TENM3: variants seen among roughly 807,000 people sequenced by gnomAD.
The protein encoded by TENM3 is teneurin-3.
In TENM3, 63 loss-of-function variants were observed where a neutral mutation model predicts 255.1. That is an observed-to-expected ratio of 0.25 (90% CI 0.20 to 0.30). TENM3 has a LOEUF of 0.30. Ranked by LOEUF, TENM3 falls within the 10% of genes least tolerant of loss-of-function variation. TENM3 has a pLI of 1.00. For missense variants in TENM3, 2,929 were observed against 3,461.1 expected, an observed-to-expected ratio of 0.85 and a Z score of 3.86; for synonymous variants, 1,306 against 1,322.3, an observed-to-expected ratio of 0.99 and a Z score of 0.27.
chr4:182,598,821 A>C (rs1334721460), intron 3 of TENM3, among the ~76,000 whole-genome samples: 1 of 152,236 alleles, frequency 6.6e-6, no homozygotes, highest in African/African-American at 2.4e-5. Context: ...CTCACATTAC[A>C]GGTGAGAAAA....
intron 3 of TENM3, among the ~76,000 whole-genome samples, chr4:182,436,357 C>T (rs567990018): frequency 1.3e-5 from 2 of 152,266 alleles, no homozygotes; most frequent in African/African-American, 2.4e-5. Flanking sequence ...TGTCTGTCTT[C>T]GGGGTCATAC....
At chr4:182,412,265 G>A (rs1190266533) in intron 3 of TENM3, among the ~76,000 whole-genome samples, 1 of 152,112 alleles carries the variant, frequency 6.6e-6, no homozygotes, top group African/African-American at 2.4e-5. Context: ...ATGACAGAAC[G>A]AGAGCTTCAA....
intron 3 of TENM3, among the ~76,000 whole-genome samples, chr4:182,532,176 A>C (rs1457545760): frequency 6.6e-6 from 1 of 152,256 alleles, no homozygotes; most frequent in Non-Finnish European, 1.5e-5. Flanking sequence ...ATTGGGAGGC[A>C]GTCTAGCATA....
intron 4 of TENM3, among the ~76,000 whole-genome samples, chr4:182,615,125 AT>A (rs1749380292): frequency 6.7e-6 from 1 of 148,268 alleles, no homozygotes; most frequent in African/African-American, 2.5e-5. Context: ...ATTAGAGATT[AT>A]ATTTGTGTGT....
At chr4:181,843,629 A>G in the TENM3 span, among the ~76,000 whole-genome samples, 1 of 151,222 alleles carries the variant, frequency 6.6e-6, no homozygotes, top group Non-Finnish European at 1.5e-5. Context: ...GAGACTGGGT[A>G]GTTTATAAAG....
rs983165386 is a variant in TENM3 at position 182,193,281 on chromosome 4, A to G, written c.-76+48527A>G. Among the ~76,000 whole-genome samples the G allele has an allele frequency of 2.0e-4, 31 of 152,220 alleles. 1 individual carries two copies. Among genetic ancestry groups the G allele is most frequent in the African/African-American group, 7.0e-4 (29 of 41,478 alleles). ...CATTAAATTGTTTGTTAAATAATGT[A>G]TTCAGACTGACTGTGTTTCCCAGCC... On this transcript the variant is annotated intron_variant, in intron 1 of 2. Transcript: ENST00000512480.
At chr4:182,531,656 C>T (rs544715033) in intron 3 of TENM3, among the ~76,000 whole-genome samples, 109 of 152,262 alleles carry the variant, frequency 7.2e-4, no homozygotes, top group African/African-American at 2.5e-3. Context: ...AAGACCTCTC[C>T]TGTGTGTGTC....
the TENM3 span, among the ~76,000 whole-genome samples, chr4:181,811,400 C>A: frequency 6.6e-6 from 1 of 152,204 alleles, no homozygotes; most frequent in Non-Finnish European, 1.5e-5. Flanking sequence ...ATCTTTCCAA[C>A]ACTGGTTCCA....
At chr4:182,714,816 AG>A (rs1759028919) in intron 13 of TENM3, among the ~76,000 whole-genome samples, 1 of 152,176 alleles carries the variant, frequency 6.6e-6, no homozygotes, top group Non-Finnish European at 1.5e-5. Flanking sequence ...TTTTAATTTC[AG>A]GGAATAGAGT....
the TENM3 span, among the ~76,000 whole-genome samples, chr4:182,041,438 G>A: frequency 6.6e-6 from 1 of 152,124 alleles, no homozygotes; most frequent in African/African-American, 2.4e-5. Context: ...AAGACTCTAT[G>A]TGAACACATA....
chr4:181,825,425 A>AAAAAC, the TENM3 span, among the ~76,000 whole-genome samples: 1 of 110,244 alleles, frequency 9.1e-6, no homozygotes. Context: ...AAAAAAAAAA[A>AAAAAC]ACAGAGAATA....
intron 5 of TENM3, among the ~76,000 whole-genome samples, chr4:182,642,750 TGTTA>T (rs1270996912): frequency 6.6e-5 from 10 of 152,210 alleles, no homozygotes; most frequent in African/African-American, 2.2e-4. Context: ...CTATATCAAA[TGTTA>T]GTTCTTTTGA....
At chr4:181,654,205 TCCTC>T in the TENM3 span, among the ~76,000 whole-genome samples, 1 of 147,910 alleles carries the variant, frequency 6.8e-6, no homozygotes, top group African/African-American at 2.5e-5. Context: ...CGATAAACCT[TCCTC>T]TGATTCTCTA....
chr4:182,147,367 G>T (rs1750042307), intron 1 of TENM3, among the ~76,000 whole-genome samples: 1 of 152,098 alleles, frequency 6.6e-6, no homozygotes, highest in African/African-American at 2.4e-5. Flanking sequence ...TTCAGAGCAT[G>T]GTCATTGTCT....
the TENM3 span, among the ~76,000 whole-genome samples, chr4:181,510,646 G>A: frequency 1.6e-4 from 25 of 152,248 alleles, no homozygotes; most frequent in Non-Finnish European, 2.6e-4. Context: ...AAATGACCCC[G>A]TTCTTTCTAG....
At chr4:182,462,484 C>T (rs1271749297) in intron 3 of TENM3, among the ~76,000 whole-genome samples, 13 of 151,656 alleles carry the variant, frequency 8.6e-5, no homozygotes. Flanking sequence ...CAGCAGCCCT[C>T]CTCTCTGAAC....
chr4:181,999,810 T>C, the TENM3 span, among the ~76,000 whole-genome samples: 3 of 152,194 alleles, frequency 2.0e-5, no homozygotes, highest in Non-Finnish European at 2.9e-5. Context: ...GGATTTGACA[T>C]ATCGAGAATT....
the TENM3 span, among the ~76,000 whole-genome samples, chr4:182,077,170 C>T: frequency 6.6e-6 from 1 of 152,114 alleles, no homozygotes; most frequent in African/African-American, 2.4e-5. Context: ...TAGGGTTGAT[C>T]TATATCATTT....
chr4:181,821,880 A>G, the TENM3 span, among the ~76,000 whole-genome samples: 1 of 152,208 alleles, frequency 6.6e-6, no homozygotes, highest in Non-Finnish European at 1.5e-5. Flanking sequence ...CAACAGGAGA[A>G]TGTTTGGAAG....
Sources: allele counts gnomAD v4.1 joint callset (sites outside exome capture counted in the v4.1 genomes callset), GRCh38; gene constraint gnomAD v4.1.1; transcripts MANE v1.5; gene names NCBI Gene and HGNC (gene_info 2026-07-23, HGNC 2026-07-21).